Variants in NCOR1 observed in about 807,000 individuals in gnomAD.
NCOR1 encodes nuclear receptor corepressor 1, also known as protein phosphatase 1, regulatory subunit 109.
In NCOR1, 63 loss-of-function variants were observed where a neutral mutation model predicts 288.1. The ratio of observed to expected loss-of-function variants is 0.22; its 90% CI spans 0.18 to 0.27. The LOEUF is 0.27. Among genes scored for constraint, NCOR1 ranks in the 10% least tolerant of loss-of-function variants. The pLI, the probability that NCOR1 is intolerant of heterozygous loss-of-function variation, is 1.00. For missense variants in NCOR1, 2,397 were observed against 3,019.2 expected (o/e 0.79, Z 4.83); for synonymous variants, 1,007 against 1,065.9 (o/e 0.94, Z 1.08).
rs1427422227 is a variant in NCOR1, at chr17:16,208,027, ATTTC to A, written c.-71+7331_-71+7334del. Among the ~76,000 whole-genome samples, 508 of 110,006 alleles carry A rather than the reference ATTTC, an allele frequency of 4.6e-3. 5 individuals carry two copies. Among genetic ancestry groups the A allele is most frequent in the East Asian group, 0.031 (124 of 3,966 alleles). 72.2% of individuals were successfully genotyped at this position (110,006 alleles called of 152,430 possible). ...TAATCCTATCAACCAACCGTTCCATATTTCTTTCTTTTTTTTTTTTTTTTTTTTT... is the reference window on the plus strand; with the variant it reads ...TAATCCTATCAACCAACCGTTCCATATTTCTTTTTTTTTTTTTTTTTTTTT... On this transcript the variant is annotated intron_variant, in intron 1 of 45. Coordinates refer to ENST00000268712, the MANE Select transcript of NCOR1 (RefSeq NM_006311.4).
chr17:16,213,233 C>T (rs113708839), intron 1 of NCOR1, among the ~76,000 whole-genome samples: 373 of 152,136 alleles, frequency 2.5e-3, no homozygotes, highest in Non-Finnish European at 3.8e-3. Flanking sequence ...TGGCTCACGC[C>T]TGTAATCCCA....
At chr17:16,208,196 A>G (rs1002907285) in intron 1 of NCOR1, among the ~76,000 whole-genome samples, 6 of 134,572 alleles carry the variant, frequency 4.5e-5, no homozygotes, top group African/African-American at 1.4e-4. Flanking sequence ...GCGTGCCACC[A>G]TGCCCAGCTA....
rs577849976 is a variant in NCOR1 at position 16,179,840 on chromosome 17, C to T, written c.242+6714G>A. On this transcript the variant is annotated intron_variant, in intron 3 of 45. Transcript: ENST00000268712. The stretch of plus-strand genomic sequence containing the variant: ...ACCATCCTGGCTAACACAGTGAAAC[C>T]GTGTCTCTACTAAAAGTACAAAAAT... 7.9e-5 allele frequency among the ~76,000 whole-genome samples: 12 copies of T among 151,860 alleles called. No individual in the cohort carries two copies. The East Asian group carries it at 2.1e-3, about 27-fold the overall frequency.
chr17:16,061,305 A>G (rs2060523882), intron 37 of NCOR1, 96 bp downstream of exon 37: 2 of 1,418,814 alleles, frequency 1.4e-6, no homozygotes, highest in Non-Finnish European at 1.9e-6. Context: ...ATCAACCGTT[A>G]GGATTTTTAA....
intron 19 of NCOR1, among the ~76,000 whole-genome samples, chr17:16,105,960 C>T (rs1050905701): frequency 8.6e-5 from 13 of 151,994 alleles, no homozygotes; most frequent in African/African-American, 2.9e-4. Flanking sequence ...ATTAGCTGGG[C>T]GTGGTGGCAA....
At chr17:16,195,888 A>G (rs924812031) in intron 1 of NCOR1, among the ~76,000 whole-genome samples, 1 of 152,202 alleles carries the variant, frequency 6.6e-6, no homozygotes, top group African/African-American at 2.4e-5. Flanking sequence ...TGTTTATGTT[A>G]TACATAATTA....
chr17:16,044,581 C>T (rs888047100), intron 42 of NCOR1: 2 of 534,922 alleles, frequency 3.7e-6, no homozygotes, highest in Non-Finnish European at 7.5e-6. Flanking sequence ...CGGCAACTAC[C>T]ACCACGTCCG....
chr17:16,201,108 G>C (rs1348455862), intron 1 of NCOR1, among the ~76,000 whole-genome samples: 3 of 152,178 alleles, frequency 2.0e-5, no homozygotes, highest in Non-Finnish European at 4.4e-5. Context: ...TCCAATCTGG[G>C]AGAATGCCAT....
At chr17:16,183,763 A>G (rs976491672) in intron 3 of NCOR1, among the ~76,000 whole-genome samples, 1 of 152,186 alleles carries the variant, frequency 6.6e-6, no homozygotes, top group Non-Finnish European at 1.5e-5. Context: ...TGGAAGTATA[A>G]AAGACCCCCA....
Position 16,057,343 on chromosome 17 carries a change from A to G in NCOR1, c.6392+171T>C. On this transcript the variant is annotated intron_variant, in intron 40 of 45. Transcript: ENST00000268712. Reference sequence around the variant, plus strand: ...AAAAGTCATAGTACCAAATGCCAAGACAGTGGACATTCTAAGAATAATATG... The same window carrying G: ...AAAAGTCATAGTACCAAATGCCAAGGCAGTGGACATTCTAAGAATAATATG... The G allele has an allele frequency of 4.7e-6, 3 of 637,850 alleles. No homozygotes were observed. The South Asian group carries it at 5.9e-5, about 13-fold the overall frequency. 39.5% of individuals were successfully genotyped at this position (637,850 alleles called of 1,614,324 possible). A position where few individuals can be genotyped will look rare whatever the true frequency, so the allele number is the denominator to read the frequency against.
intron 19 of NCOR1, 169 bp from the exon 20 acceptor site, chr17:16,101,926 T>A: frequency 7.3e-6 from 6 of 823,002 alleles, no homozygotes. Flanking sequence ...CTCATTGAAG[T>A]ATTTACAGCC....
intron 4 of NCOR1, among the ~76,000 whole-genome samples, chr17:16,168,444 G>A (rs1198139269): frequency 1.5e-4 from 22 of 151,488 alleles, no homozygotes; most frequent in African/African-American, 3.4e-4. Context: ...CTGGTGATCC[G>A]CCCGCCTCGG....
At chr17:16,080,574 G>A (rs2063241599) in intron 24 of NCOR1, 33 bp downstream of exon 24, 8 of 1,614,032 alleles carry the variant, frequency 5.0e-6, no homozygotes, top group Middle Eastern at 3.3e-4. Context: ...TGCTACAAAC[G>A]TAGATGCATT....
intron 19 of NCOR1, among the ~76,000 whole-genome samples, chr17:16,104,426 A>C (rs1332534120): frequency 6.6e-6 from 1 of 152,228 alleles, no homozygotes; most frequent in Non-Finnish European, 1.5e-5. Context: ...AGAAAACCTA[A>C]GCAGATGCTC....
At chr17:16,152,418 C>T (rs970101654) in intron 7 of NCOR1, among the ~76,000 whole-genome samples, 1 of 152,122 alleles carries the variant, frequency 6.6e-6, no homozygotes, top group African/African-American at 2.4e-5. Flanking sequence ...GTTTTCTGTC[C>T]TTGCGACAGT....
chr17:16,149,639 A>G (rs1444447878), intron 8 of NCOR1, 122 bp from the exon 9 acceptor site: 3 of 427,880 alleles, frequency 7.0e-6, no homozygotes, highest in Non-Finnish European at 8.4e-6. Context: ...TGATGTAAAC[A>G]AAGTTAATCC....
chr17:16,157,125 T>TC (rs899126183), intron 6 of NCOR1, among the ~76,000 whole-genome samples: 2 of 152,132 alleles, frequency 1.3e-5, no homozygotes, highest in Non-Finnish European at 1.5e-5. Context: ...CAGAGGACTT[T>TC]TTTTTTTTAA....
In NCOR1 at chr17:16,030,393, C is replaced by T. The variant is rs1034487847; in HGVS notation, c.*1903G>A. ...TCAACTGTATTCTGACTCAGAATAGCTTAAGACCCTCAGGGTCATAGAAAA... is the reference window on the plus strand; with the variant it reads ...TCAACTGTATTCTGACTCAGAATAGTTTAAGACCCTCAGGGTCATAGAAAA... On this transcript the variant is annotated 3_prime_UTR_variant, in exon 46 of 46. Coordinates refer to ENST00000268712, the MANE Select transcript of NCOR1 (RefSeq NM_006311.4). 6 of 213,832 alleles carry T rather than the reference C, an allele frequency of 2.8e-5. No homozygotes were observed. The highest frequency in any genetic ancestry group is 5.9e-5 in the Admixed American group (1 of 17,034). 13.2% of individuals were successfully genotyped at this position (213,832 alleles called of 1,614,324 possible). A position where few individuals can be genotyped will look rare whatever the true frequency, so the allele number is the denominator to read the frequency against.
intron 22 of NCOR1, among the ~76,000 whole-genome samples, chr17:16,089,356 T>C (rs1182812323): frequency 6.6e-6 from 1 of 152,154 alleles, no homozygotes; most frequent in East Asian, 1.9e-4. Context: ...TTTGAGTTCC[T>C]TCACTGTAGA....
Sources: allele counts gnomAD v4.1 joint callset (sites outside exome capture counted in the v4.1 genomes callset), GRCh38; gene constraint gnomAD v4.1.1; transcripts MANE v1.5; gene names NCBI Gene and HGNC (gene_info 2026-07-23, HGNC 2026-07-21).